STK32B: variants seen among roughly 807,000 people sequenced by gnomAD.
STK32B encodes serine/threonine kinase 32B, also known as serine/threonine-protein kinase 32B.
A neutral mutation model predicts 52.6 loss-of-function variants in STK32B; 43 were observed. That is an observed-to-expected ratio of 0.82 (90% CI 0.64 to 1.05). The LOEUF (loss-of-function observed/expected upper bound fraction) is 1.05, where lower values mean the gene tolerates loss of function less well. Among genes scored for constraint, STK32B ranks in the 50% least tolerant of loss-of-function variants. The pLI is 0.00. For synonymous variants in STK32B, 238 were observed against 204.3 expected (o/e 1.17, Z -1.41); for missense variants, 621 against 534.6 (o/e 1.16, Z -1.59).
chr4:5,163,632 C>T (rs1215318201), intron 2 of STK32B, among the ~76,000 whole-genome samples: 1 of 150,450 alleles, frequency 6.6e-6, no homozygotes, highest in African/African-American at 2.4e-5. Context: ...ATGCCAAGAC[C>T]TTGACCTCAA....
intron 3 of STK32B, among the ~76,000 whole-genome samples, chr4:5,281,615 AAATAT>A (rs1360543713): frequency 6.6e-6 from 1 of 152,216 alleles, no homozygotes; most frequent in African/African-American, 2.4e-5. Context: ...AAAAAAGAAG[AAATAT>A]AATAAGCAAA....
At chr4:5,498,860 T>A (rs563219888) in intron 11 of STK32B, 85 bp from the exon 12 acceptor site, 1 of 1,486,112 alleles carries the variant, frequency 6.7e-7, no homozygotes, top group Admixed American at 2.2e-5. Flanking sequence ...GGCTCCACAG[T>A]TGCCCTGCCT....
chr4:5,055,688 C>T (rs894148638), intron 1 of STK32B, among the ~76,000 whole-genome samples: 2 of 152,152 alleles, frequency 1.3e-5, no homozygotes, highest in African/African-American at 2.4e-5. Context: ...CCTTCCTGCT[C>T]GTCTGACATG....
chr4:5,489,086 A>G (rs559686869), intron 11 of STK32B, among the ~76,000 whole-genome samples: 10 of 152,264 alleles, frequency 6.6e-5, no homozygotes, highest in African/African-American at 2.4e-4. Context: ...ACCAGTTTAT[A>G]ATTTGAAGTC....
chr4:5,172,401 A>C (rs1316361986), intron 3 of STK32B, among the ~76,000 whole-genome samples: 4 of 152,056 alleles, frequency 2.6e-5, no homozygotes, highest in African/African-American at 4.8e-5. Flanking sequence ...TTCAAAGGGA[A>C]TGCTTCCAGT....
chr4:5,459,511 A>G (rs543383254), intron 8 of STK32B, among the ~76,000 whole-genome samples: 1 of 152,282 alleles, frequency 6.6e-6, no homozygotes, highest in African/African-American at 2.4e-5. Flanking sequence ...TCAGTAGATA[A>G]GCTACAGGGT....
chr4:5,429,007 A>G (rs1478296346), intron 6 of STK32B, among the ~76,000 whole-genome samples: 1 of 152,166 alleles, frequency 6.6e-6, no homozygotes, highest in Admixed American at 6.5e-5. Flanking sequence ...CCCCTAATTT[A>G]TAGATTTTGA....
intron 4 of STK32B, among the ~76,000 whole-genome samples, chr4:5,356,282 C>G (rs938990154): frequency 1.4e-4 from 21 of 152,204 alleles, no homozygotes; most frequent in Non-Finnish European, 2.5e-4. Context: ...TCTCAAATAT[C>G]TCTTTCCCTT....
At position 5,253,827 on chromosome 4, in the gene STK32B, G is replaced by A. The variant is rs533225810; in HGVS notation, c.261-77393G>A. 1.2e-3 allele frequency among the ~76,000 whole-genome samples: 180 copies of A among 152,330 alleles called. 1 individual carries two copies. Among genetic ancestry groups the A allele is most frequent in the African/African-American group, 4.0e-3 (165 of 41,568 alleles). ...AACTAAAGAGAAAAGGTTAACTGGG[G>A]ATGGATAATGGTATCTACTCTAAAG... On this transcript the variant is annotated intron_variant, in intron 3 of 11. Coordinates refer to ENST00000282908, the MANE Select transcript of STK32B (RefSeq NM_018401.3).
intron 11 of STK32B, among the ~76,000 whole-genome samples, chr4:5,478,454 C>T (rs1718405431): frequency 6.6e-6 from 1 of 152,210 alleles, no homozygotes; most frequent in Admixed American, 6.5e-5. Flanking sequence ...GCTGATAAGA[C>T]TGGCAGAACT....
chr4:5,231,848 A>G (rs565524672), intron 3 of STK32B, among the ~76,000 whole-genome samples: 46 of 152,300 alleles, frequency 3.0e-4, no homozygotes, highest in African/African-American at 9.1e-4. Flanking sequence ...TCAAGGGACC[A>G]CAGCGGGTAT....
chr4:5,174,526 G>T (rs1209120317), intron 3 of STK32B, among the ~76,000 whole-genome samples: 1 of 152,174 alleles, frequency 6.6e-6, no homozygotes, highest in Non-Finnish European at 1.5e-5. Flanking sequence ...GCATTTGTTT[G>T]TCTGTGAATT....
intron 3 of STK32B, among the ~76,000 whole-genome samples, chr4:5,307,440 C>T (rs991489492): frequency 6.6e-6 from 1 of 151,880 alleles, no homozygotes; most frequent in Non-Finnish European, 1.5e-5. Flanking sequence ...CTGAGACTTT[C>T]CAGTGCATTT....
chr4:5,332,459 G>A (rs897366664), intron 4 of STK32B, among the ~76,000 whole-genome samples: 13 of 152,078 alleles, frequency 8.5e-5, no homozygotes, highest in Non-Finnish European at 1.5e-4. Context: ...ATAATAAGGC[G>A]AATTGTTGAA....
At chr4:5,175,936 GT>G (rs1387924459) in intron 3 of STK32B, among the ~76,000 whole-genome samples, 1 of 152,270 alleles carries the variant, frequency 6.6e-6, no homozygotes, top group Non-Finnish European at 1.5e-5. Flanking sequence ...TCCTTGAGCT[GT>G]GGTGGGCTCC....
At chr4:5,444,072 C>T (rs534085229) in intron 6 of STK32B, among the ~76,000 whole-genome samples, 1 of 152,280 alleles carries the variant, frequency 6.6e-6, no homozygotes, top group East Asian at 1.9e-4. Flanking sequence ...GTGCCCTGCC[C>T]CCAGAGGTGG....
chr4:5,373,810 T>C (rs182744567), intron 4 of STK32B, among the ~76,000 whole-genome samples: 164 of 152,358 alleles, frequency 1.1e-3, no homozygotes, highest in African/African-American at 3.8e-3. Flanking sequence ...TCTGAGTATG[T>C]GGGTCCCCCA....
chr4:5,351,939 G>A (rs1733852644), intron 4 of STK32B, among the ~76,000 whole-genome samples: 1 of 152,022 alleles, frequency 6.6e-6, no homozygotes, highest in Admixed American at 6.5e-5. Flanking sequence ...AGCAAGTAAT[G>A]ATATTGAATT....
chr4:5,234,317 TG>T (rs1382091661), intron 3 of STK32B, among the ~76,000 whole-genome samples: 25 of 152,228 alleles, frequency 1.6e-4, no homozygotes, highest in Admixed American at 7.9e-4. Context: ...AATGAGCTAT[TG>T]TATACCAAGT....
Sources: allele counts gnomAD v4.1 joint callset (sites outside exome capture counted in the v4.1 genomes callset), GRCh38; gene constraint gnomAD v4.1.1; transcripts MANE v1.5; gene names NCBI Gene and HGNC (gene_info 2026-07-23, HGNC 2026-07-21).